Variants in PLA2G4A observed in about 807,000 individuals in gnomAD.
The protein encoded by PLA2G4A is phospholipase A2 group IVA.
Under a neutral mutation model 81.9 loss-of-function variants are expected in PLA2G4A, and 40 were observed. That is an observed-to-expected ratio of 0.49 (90% CI 0.38 to 0.64). PLA2G4A has a LOEUF of 0.64. Among genes scored for constraint, PLA2G4A ranks in the 30% least tolerant of loss-of-function variants. The pLI is 0.00. For synonymous variants in PLA2G4A, 302 were observed against 296.9 expected (o/e 1.02, Z -0.18); for missense variants, 715 against 905.1 (o/e 0.79, Z 2.69).
intron 2 of PLA2G4A, among the ~76,000 whole-genome samples, chr1:186,863,646 A>G (rs568256529): frequency 1.3e-5 from 2 of 151,870 alleles, no homozygotes; most frequent in East Asian, 3.9e-4. Flanking sequence ...CCTTCCTCCT[A>G]TCTTCCCTAG....
intron 17 of PLA2G4A, among the ~76,000 whole-genome samples, chr1:186,987,634 C>T (rs1657931670): frequency 6.6e-6 from 1 of 152,192 alleles, no homozygotes; most frequent in Non-Finnish European, 1.5e-5. Context: ...TCAATAACTG[C>T]ATCTACCAAA....
At chr1:186,845,657 C>G (rs1314693644) in intron 1 of PLA2G4A, among the ~76,000 whole-genome samples, 1 of 152,162 alleles carries the variant, frequency 6.6e-6, no homozygotes, top group Non-Finnish European at 1.5e-5. Context: ...CTAATAATAT[C>G]CCCTCTTTTT....
rs71104895 is a variant in PLA2G4A, at chr1:186,905,698, T to TCACACACA, written c.379-1250_379-1243dup. Among the ~76,000 whole-genome samples the TCACACACA allele has an allele frequency of 2.0e-3, 301 of 148,998 alleles. 2 individuals carry two copies. The highest frequency in any genetic ancestry group is 7.1e-3 in the African/African-American group (288 of 40,752). On this transcript the variant is annotated intron_variant, in intron 5 of 17. Transcript: ENST00000367466. ...AGATTGCCTGATGCACTCCTCCTCC[T>TCACACACA]CACACACACACACACACACACACAA...
chr1:186,941,177 G>A (rs1656143030), intron 10 of PLA2G4A, among the ~76,000 whole-genome samples: 1 of 150,910 alleles, frequency 6.6e-6, no homozygotes, highest in Admixed American at 6.6e-5. Context: ...GTGTTAGTCT[G>A]CAGCACAATA....
intron 6 of PLA2G4A, among the ~76,000 whole-genome samples, chr1:186,909,360 G>A (rs1310273879): frequency 1.1e-5 from 1 of 90,492 alleles, no homozygotes; most frequent in African/African-American, 8.6e-5. Flanking sequence ...CCCAAGATTA[G>A]ACTTAAAAGT....
chr1:186,888,887 C>T (rs1315000950), intron 3 of PLA2G4A, among the ~76,000 whole-genome samples: 1 of 152,012 alleles, frequency 6.6e-6, no homozygotes, highest in Admixed American at 6.6e-5. Context: ...AAAAATCTGG[C>T]CCTATGAGAT....
intron 7 of PLA2G4A, among the ~76,000 whole-genome samples, chr1:186,930,362 T>C (rs2102198481): frequency 6.6e-6 from 1 of 152,290 alleles, no homozygotes; most frequent in East Asian, 1.9e-4. Context: ...TTACCTAACA[T>C]ATGAATTCTA....
At chr1:186,912,816 ATATG>A (rs1655010430) in intron 7 of PLA2G4A, among the ~76,000 whole-genome samples, 1 of 145,964 alleles carries the variant, frequency 6.9e-6, no homozygotes, top group African/African-American at 2.5e-5. Flanking sequence ...ATATACATAT[ATATG>A]TATCTAATAT....
rs143244548 is a variant in PLA2G4A at position 186,910,159 on chromosome 1, G to A, written c.417-1089G>A. Among the ~76,000 whole-genome samples, 604 of 152,162 alleles carry A rather than the reference G, an allele frequency of 4.0e-3. 3 individuals are homozygous for A. The highest frequency in any genetic ancestry group is 0.014 in the African/African-American group (569 of 41,524). ...GGAAGTAGTAATTAAACTATTATTTGTAATGGTCAAATATAGCCATAAAGA... is the reference window on the plus strand; with the variant it reads ...GGAAGTAGTAATTAAACTATTATTTATAATGGTCAAATATAGCCATAAAGA... On this transcript the variant is annotated intron_variant, in intron 6 of 17. Coordinates refer to ENST00000367466, the MANE Select transcript of PLA2G4A (RefSeq NM_024420.3).
intron 5 of PLA2G4A, among the ~76,000 whole-genome samples, chr1:186,894,832 G>A (rs569279841): frequency 8.5e-5 from 13 of 152,270 alleles, no homozygotes; most frequent in African/African-American, 3.1e-4. Flanking sequence ...ATTTTGTACA[G>A]AATAAACTCA....
chr1:186,876,223 T>C (rs1172166651), intron 3 of PLA2G4A, among the ~76,000 whole-genome samples: 1 of 152,156 alleles, frequency 6.6e-6, no homozygotes, highest in Non-Finnish European at 1.5e-5. Context: ...TAACGGTTTA[T>C]TTTGACAGTA....
intron 3 of PLA2G4A, among the ~76,000 whole-genome samples, chr1:186,885,095 T>G (rs1028281414): frequency 3.3e-5 from 5 of 151,898 alleles, no homozygotes; most frequent in African/African-American, 1.2e-4. Flanking sequence ...TAGGACAAAA[T>G]AAGTTGATTT....
intron 7 of PLA2G4A, among the ~76,000 whole-genome samples, chr1:186,922,605 C>G (rs530434530): frequency 6.6e-6 from 1 of 152,166 alleles, no homozygotes; most frequent in Non-Finnish European, 1.5e-5. Context: ...ACAGGGCAGG[C>G]CTAAGCCACC....
intron 7 of PLA2G4A, among the ~76,000 whole-genome samples, chr1:186,921,251 C>T (rs563559925): frequency 2.6e-5 from 4 of 152,262 alleles, no homozygotes; most frequent in African/African-American, 9.6e-5. Flanking sequence ...AGGACGTGCT[C>T]CTGTAGCCAC....
At chr1:186,847,530 C>A (rs1571329778) in intron 1 of PLA2G4A, among the ~76,000 whole-genome samples, 1 of 151,996 alleles carries the variant, frequency 6.6e-6, no homozygotes, top group East Asian at 1.9e-4. Flanking sequence ...TTGGCCAAGA[C>A]CTTAAGCCAT....
chr1:186,887,430 A>G (rs758562324), intron 3 of PLA2G4A, among the ~76,000 whole-genome samples: 6 of 152,168 alleles, frequency 3.9e-5, no homozygotes, highest in Non-Finnish European at 8.8e-5. Context: ...GAAGTTTAGT[A>G]GTAAGTTTTA....
intron 3 of PLA2G4A, among the ~76,000 whole-genome samples, chr1:186,881,247 A>T (rs10798065): frequency 0.15 from 22,343 of 152,050 alleles, 2,561 homozygotes; most frequent in East Asian, 0.51. Flanking sequence ...AAAGGAAATG[A>T]AATGTACAGC....
In PLA2G4A at chr1:186,864,658, A is replaced by ATTG. The variant is rs564214059; in HGVS notation, c.34-5775_34-5774insGTT. ...TTTTAAAAATCAGATTATTATTATTATTATTATTATTATTTTGTTATTGAG... is the reference window on the plus strand; with the variant it reads ...TTTTAAAAATCAGATTATTATTATTATTGTTATTATTATTATTTTGTTATTGAG... On this transcript the variant is annotated intron_variant, in intron 2 of 17. Coordinates refer to ENST00000367466, the MANE Select transcript of PLA2G4A (RefSeq NM_024420.3). 2.8e-3 allele frequency among the ~76,000 whole-genome samples: 418 copies of ATTG among 150,514 alleles called. 1 individual carries two copies. The highest frequency in any genetic ancestry group is 9.8e-3 in the African/African-American group (404 of 41,240).
At chr1:186,987,003 C>T (rs934905133) in intron 17 of PLA2G4A, among the ~76,000 whole-genome samples, 20 of 152,328 alleles carry the variant, frequency 1.3e-4, no homozygotes, top group African/African-American at 4.3e-4. Context: ...ACATATATTA[C>T]GTTTTAAAAT....
Sources: gnomAD v4.1 joint callset for allele counts (sites outside exome capture counted in the v4.1 genomes callset) on GRCh38, gnomAD v4.1.1 for gene constraint, MANE v1.5 for transcripts, NCBI Gene and HGNC (gene_info 2026-07-23, HGNC 2026-07-21) for gene names.